PRKCE: variants seen among roughly 807,000 people sequenced by gnomAD.
The protein encoded by PRKCE is protein kinase C epsilon.
Under a neutral mutation model 85.4 loss-of-function variants are expected in PRKCE, and 16 were observed. That is an observed-to-expected ratio of 0.19 (90% CI 0.13 to 0.28). PRKCE has a LOEUF of 0.28. Among genes scored for constraint, PRKCE ranks in the 10% least tolerant of loss-of-function variants. PRKCE has a pLI of 1.00. For synonymous variants in PRKCE, 388 were observed against 371.5 expected (o/e 1.04, Z -0.51); for missense variants, 573 against 975.2 (o/e 0.59, Z 5.49).
intron 2 of PRKCE, among the ~76,000 whole-genome samples, chr2:45,955,577 CAG>C (rs1700916781): frequency 6.6e-6 from 1 of 152,134 alleles, no homozygotes; most frequent in African/African-American, 2.4e-5. Flanking sequence ...CCAGCTACTT[CAG>C]AGTTTGAGGC....
intron 1 of PRKCE, among the ~76,000 whole-genome samples, chr2:45,728,935 C>T (rs770296066): frequency 1.3e-5 from 2 of 152,184 alleles, no homozygotes; most frequent in Non-Finnish European, 2.9e-5. Flanking sequence ...CACTGGGGCA[C>T]TGGCTCCTAA....
chr2:45,665,624 G>A (rs1232787981), intron 1 of PRKCE, among the ~76,000 whole-genome samples: 1 of 152,158 alleles, frequency 6.6e-6, no homozygotes, highest in African/African-American at 2.4e-5. Flanking sequence ...TCTCTTGCAG[G>A]TGCACTGAGC....
At chr2:45,761,605 C>G (rs1684508710) in intron 1 of PRKCE, among the ~76,000 whole-genome samples, 1 of 152,112 alleles carries the variant, frequency 6.6e-6, no homozygotes, top group East Asian at 1.9e-4. Context: ...ACTTTTGGGT[C>G]TAGTGGATCT....
intron 14 of PRKCE, among the ~76,000 whole-genome samples, chr2:46,162,302 C>A (rs1574638376): frequency 6.6e-6 from 1 of 152,084 alleles, no homozygotes; most frequent in East Asian, 1.9e-4. Context: ...CCAGAAAGAC[C>A]CTGTTTGCTT....
intron 2 of PRKCE, 106 bp from the exon 3 acceptor site, chr2:45,976,323 C>A: frequency 1.5e-6 from 2 of 1,355,884 alleles, no homozygotes; most frequent in Non-Finnish European, 2.0e-6. Flanking sequence ...CTCTCACCCA[C>A]CCCAGCTCCA....
intron 11 of PRKCE, among the ~76,000 whole-genome samples, chr2:46,126,126 T>A (rs1673825201): frequency 1.3e-5 from 2 of 152,182 alleles, no homozygotes; most frequent in Admixed American, 1.3e-4. Flanking sequence ...ACTTATTGGA[T>A]GTTTCTTTGG....
chr2:46,072,291 A>G (rs1668147142), intron 10 of PRKCE, among the ~76,000 whole-genome samples: 1 of 152,200 alleles, frequency 6.6e-6, no homozygotes, highest in Non-Finnish European at 1.5e-5. Flanking sequence ...ATTGAGTTGT[A>G]TGTTTACGTT....
chr2:45,834,984 A>T (rs907470266), intron 1 of PRKCE, among the ~76,000 whole-genome samples: 5 of 152,182 alleles, frequency 3.3e-5, no homozygotes, highest in Admixed American at 3.3e-4. Flanking sequence ...TCTTGCTATT[A>T]TTGTATTTTG....
intron 10 of PRKCE, among the ~76,000 whole-genome samples, chr2:46,040,072 C>G (rs1708129067): frequency 6.6e-6 from 1 of 152,140 alleles, no homozygotes; most frequent in Non-Finnish European, 1.5e-5. Context: ...GTCAACACAC[C>G]CATTAACCAT....
chr2:45,903,907 G>GTTTTTT (rs1375771003), intron 2 of PRKCE, among the ~76,000 whole-genome samples: 1 of 82,194 alleles, frequency 1.2e-5, no homozygotes. Flanking sequence ...TTGTTTGTTT[G>GTTTTTT]TTTGTTTGTT....
intron 6 of PRKCE, among the ~76,000 whole-genome samples, chr2:45,994,958 A>G (rs1704100764): frequency 6.6e-6 from 1 of 152,144 alleles, no homozygotes; most frequent in Admixed American, 6.5e-5. Context: ...GGGTGTTATC[A>G]GTTACCTCCT....
chr2:46,108,687 C>G (rs1671973862), intron 11 of PRKCE, among the ~76,000 whole-genome samples: 2 of 152,142 alleles, frequency 1.3e-5, no homozygotes, highest in Non-Finnish European at 2.9e-5. Flanking sequence ...AGCATAAGTT[C>G]TGAATTTTAA....
chr2:45,781,897 C>T (rs1386048162), intron 1 of PRKCE, among the ~76,000 whole-genome samples: 1 of 152,170 alleles, frequency 6.6e-6, no homozygotes, highest in African/African-American at 2.4e-5. Flanking sequence ...GGTCCTGCCT[C>T]ATCCATCCCT....
chr2:45,780,407 C>A (rs1191245878), intron 1 of PRKCE, among the ~76,000 whole-genome samples: 3 of 152,110 alleles, frequency 2.0e-5, no homozygotes, highest in Admixed American at 2.0e-4. Flanking sequence ...TAACCTGTTC[C>A]TCTGGCCCTA....
intron 2 of PRKCE, among the ~76,000 whole-genome samples, chr2:45,972,464 A>G (rs980087753): frequency 1.3e-5 from 2 of 152,068 alleles, no homozygotes; most frequent in African/African-American, 4.8e-5. Context: ...GAAGCTTTTT[A>G]GTTTGATGTA....
chr2:45,896,647 A>G (rs150102952), intron 2 of PRKCE, among the ~76,000 whole-genome samples: 21 of 152,366 alleles, frequency 1.4e-4, no homozygotes, highest in African/African-American at 4.8e-4. Context: ...AGCGCAGTGC[A>G]TGTATACTTT....
intron 1 of PRKCE, among the ~76,000 whole-genome samples, chr2:45,737,794 C>T (rs1682206898): frequency 1.3e-5 from 2 of 152,132 alleles, no homozygotes. Context: ...GGGCCTAAGA[C>T]TCACCCCCTC....
At chr2:45,767,178 C>G (rs1684977940) in intron 1 of PRKCE, among the ~76,000 whole-genome samples, 1 of 152,172 alleles carries the variant, frequency 6.6e-6, no homozygotes, top group South Asian at 2.1e-4. Flanking sequence ...ATATAAGATG[C>G]AGGCAACAGT....
chr2:46,084,263 T>C (rs951773373), intron 10 of PRKCE, among the ~76,000 whole-genome samples: 7 of 152,206 alleles, frequency 4.6e-5, no homozygotes, highest in Non-Finnish European at 1.0e-4. Flanking sequence ...GAAGGTAGTT[T>C]GAATTAGTAA....
Sources: allele counts gnomAD v4.1 joint callset (sites outside exome capture counted in the v4.1 genomes callset), GRCh38; gene constraint gnomAD v4.1.1; transcripts MANE v1.5; gene names NCBI Gene and HGNC (gene_info 2026-07-23, HGNC 2026-07-21).